DHRSX: variants seen among roughly 807,000 people sequenced by gnomAD.
The protein encoded by DHRSX is dehydrogenase/reductase X-linked, also known as polyprenol dehydrogenase.
A neutral mutation model predicts 34.0 loss-of-function variants in DHRSX; 31 were observed. The observed-to-expected ratio is 0.91, with a 90% CI of 0.69 to 1.23. The LOEUF is 1.23. Ranked by LOEUF, DHRSX falls within the 50% of genes most tolerant of loss-of-function variation. DHRSX has a pLI of 0.00. For synonymous variants in DHRSX, 201 were observed against 183.8 expected (o/e 1.09, Z -0.76); for missense variants, 414 against 428.1 (o/e 0.97, Z 0.29).
intron 1 of DHRSX, among the ~76,000 whole-genome samples, chrX:2,432,610 T>C (rs1421986965): frequency 6.6e-6 from 1 of 152,128 alleles, no homozygotes; most frequent in Admixed American, 6.5e-5. Flanking sequence ...GGCGTTTTAA[T>C]AAACCGTGTT....
chrX:2,270,565 G>A (rs2041537020), intron 4 of DHRSX, among the ~76,000 whole-genome samples: 2 of 152,076 alleles, frequency 1.3e-5, no homozygotes, highest in Non-Finnish European at 2.9e-5. Flanking sequence ...AGTGGGTCCC[G>A]CGGCTCTACA....
intron 1 of DHRSX, among the ~76,000 whole-genome samples, chrX:2,473,424 G>A (rs1044814173): frequency 4.6e-5 from 7 of 152,122 alleles, no homozygotes; most frequent in African/African-American, 7.2e-5. Flanking sequence ...AGGAGTTCGA[G>A]ACCAGCATGA....
At chrX:2,248,532 GA>G (rs1285164063) in intron 5 of DHRSX, among the ~76,000 whole-genome samples, 1 of 146,314 alleles carries the variant, frequency 6.8e-6, no homozygotes, top group African/African-American at 2.5e-5. Flanking sequence ...AAAATTGCTT[GA>G]ACCCAGAAGG....
At chrX:2,401,570 C>G (rs1425787257) in intron 3 of DHRSX, among the ~76,000 whole-genome samples, 3 of 152,162 alleles carry the variant, frequency 2.0e-5, no homozygotes, top group African/African-American at 7.2e-5. Flanking sequence ...ATGGCATGTA[C>G]GAGCTGCAAA....
At chrX:2,313,338 T>C (rs2042186606) in intron 3 of DHRSX, among the ~76,000 whole-genome samples, 2 of 151,238 alleles carry the variant, frequency 1.3e-5, no homozygotes, top group African/African-American at 4.9e-5. Flanking sequence ...CAAACCAACG[T>C]ATAGCTTCCA....
chrX:2,447,895 C>A (rs2044159314), intron 1 of DHRSX, among the ~76,000 whole-genome samples: 1 of 146,986 alleles, frequency 6.8e-6, no homozygotes, highest in Non-Finnish European at 1.5e-5. Flanking sequence ...TGTCAAAGAA[C>A]ATAACATTTC....
chrX:2,436,248 A>C (rs2043989419), intron 1 of DHRSX, among the ~76,000 whole-genome samples: 1 of 151,912 alleles, frequency 6.6e-6, no homozygotes, highest in Non-Finnish European at 1.5e-5. Flanking sequence ...AACTAAAAAA[A>C]TAAAAACTAT....
chrX:2,313,306 C>G (rs1369675760), intron 3 of DHRSX, among the ~76,000 whole-genome samples: 63 of 151,934 alleles, frequency 4.1e-4, no homozygotes, highest in Admixed American at 4.1e-3. Flanking sequence ...CCGTACCTGG[C>G]CCAAGATATC....
chrX:2,422,556 C>G (rs963896345), intron 2 of DHRSX, among the ~76,000 whole-genome samples: 2 of 152,092 alleles, frequency 1.3e-5, no homozygotes, highest in Admixed American at 1.3e-4. Flanking sequence ...CCACTGCTCC[C>G]GTCCTGGAAA....
rs183480573 is a variant in DHRSX, at chrX:2,295,088, G to T, written c.287-3485C>A. Among the ~76,000 whole-genome samples, 251 of 152,190 alleles carry T rather than the reference G, an allele frequency of 1.6e-3. 1 individual carries two copies. The highest frequency in any genetic ancestry group is 5.8e-3 in the African/African-American group (239 of 41,538). ...TCCCGTTACTGGGTATATACCAAAGGTTTATAAATCATTCTACTATAAAGA... is the reference window on the plus strand; with the variant it reads ...TCCCGTTACTGGGTATATACCAAAGTTTTATAAATCATTCTACTATAAAGA... On this transcript the variant is annotated intron_variant, in intron 3 of 6. Coordinates refer to ENST00000334651, the MANE Select transcript of DHRSX (RefSeq NM_145177.3).
chrX:2,448,342 A>C (rs2044166908), intron 1 of DHRSX, among the ~76,000 whole-genome samples: 1 of 152,084 alleles, frequency 6.6e-6, no homozygotes, highest in Non-Finnish European at 1.5e-5. Context: ...AAAAAATATA[A>C]ATTACATTAA....
intron 3 of DHRSX, among the ~76,000 whole-genome samples, chrX:2,317,517 G>C (rs941447633): frequency 3.9e-5 from 6 of 151,966 alleles, no homozygotes; most frequent in Non-Finnish European, 7.4e-5. Context: ...CTCCCAAAGT[G>C]CTGGGATTAC....
intron 6 of DHRSX, among the ~76,000 whole-genome samples, chrX:2,234,575 G>T (rs2015971108): frequency 6.6e-6 from 1 of 152,246 alleles, no homozygotes; most frequent in Non-Finnish European, 1.5e-5. Context: ...TGTCAGCAGA[G>T]GACTGGCTAA....
intron 1 of DHRSX, among the ~76,000 whole-genome samples, chrX:2,459,678 G>C (rs1275275422): frequency 6.6e-6 from 1 of 151,244 alleles, no homozygotes; most frequent in Non-Finnish European, 1.5e-5. Flanking sequence ...CAGGCAGAAA[G>C]CAAAACAAGA....
At chrX:2,316,904 T>C (rs1569487902) in intron 3 of DHRSX, among the ~76,000 whole-genome samples, 2 of 152,160 alleles carry the variant, frequency 1.3e-5, no homozygotes, top group African/African-American at 4.8e-5. Flanking sequence ...CGGTTGAGAA[T>C]GTGCCCCAGT....
At chrX:2,243,850 G>A (rs2016215621) in intron 5 of DHRSX, among the ~76,000 whole-genome samples, 2 of 125,150 alleles carry the variant, frequency 1.6e-5, no homozygotes, top group African/African-American at 6.3e-5. Flanking sequence ...TGTCACCCAG[G>A]CTGCAGCCTC....
intron 2 of DHRSX, among the ~76,000 whole-genome samples, chrX:2,423,093 A>G (rs1199588459): frequency 6.7e-6 from 1 of 149,494 alleles, no homozygotes; most frequent in Non-Finnish European, 1.5e-5. Flanking sequence ...ATAAGCCACC[A>G]CGCCCAGCCG....
intron 1 of DHRSX, among the ~76,000 whole-genome samples, chrX:2,441,707 G>A (rs188526449): frequency 1.2e-3 from 175 of 152,134 alleles, no homozygotes; most frequent in Non-Finnish European, 1.5e-3. Flanking sequence ...AACAGCTATC[G>A]GCTTCACTCA....
intron 3 of DHRSX, among the ~76,000 whole-genome samples, chrX:2,293,362 G>A (rs1264616917): frequency 6.6e-6 from 1 of 151,982 alleles, no homozygotes; most frequent in Non-Finnish European, 1.5e-5. Flanking sequence ...TGGGTTCAAG[G>A]AGGTTGGGAG....
Sources: gnomAD v4.1 joint callset for allele counts (sites outside exome capture counted in the v4.1 genomes callset) on GRCh38, gnomAD v4.1.1 for gene constraint, MANE v1.5 for transcripts, NCBI Gene and HGNC (gene_info 2026-07-23, HGNC 2026-07-21) for gene names.